COL26A1: variants seen among roughly 807,000 people sequenced by gnomAD.
COL26A1 encodes the protein collagen alpha-1(XXVI) chain.
A neutral mutation model predicts 59.3 loss-of-function variants in COL26A1; 41 were observed. That is an observed-to-expected ratio of 0.69 (90% confidence interval 0.54 to 0.90). The LOEUF is 0.90. Among genes scored for constraint, COL26A1 ranks in the 40% least tolerant of loss-of-function variants. COL26A1 has a pLI of 0.00. For missense variants in COL26A1, 612 were observed against 602.3 expected (o/e 1.02, Z -0.17); for synonymous variants, 266 against 256.0 (o/e 1.04, Z -0.37).
intron 1 of COL26A1, among the ~76,000 whole-genome samples, chr7:101,409,033 T>C (rs1792187904): frequency 6.6e-6 from 1 of 152,248 alleles, no homozygotes; most frequent in Non-Finnish European, 1.5e-5. Context: ...ATTTACTCCT[T>C]CCTGTGCCTC....
chr7:101,494,941 G>T (rs1794549283), intron 3 of COL26A1, among the ~76,000 whole-genome samples: 1 of 152,168 alleles, frequency 6.6e-6, no homozygotes, highest in Non-Finnish European at 1.5e-5. Context: ...TGGGGAGAGG[G>T]GCTGCCTTCA....
At chr7:101,450,992 T>G (rs1050271035) in intron 3 of COL26A1, among the ~76,000 whole-genome samples, 6 of 145,294 alleles carry the variant, frequency 4.1e-5, no homozygotes, top group African/African-American at 1.2e-4. Flanking sequence ...ATTCATATAT[T>G]GAATAATATA....
At chr7:101,466,324 G>A (rs1422773729) in intron 3 of COL26A1, among the ~76,000 whole-genome samples, 3 of 152,048 alleles carry the variant, frequency 2.0e-5, no homozygotes, top group Admixed American at 2.0e-4. Flanking sequence ...GGCACAATTG[G>A]TGGTACAGAG....
rs1289979050 is a variant in COL26A1 at position 101,558,596 on chromosome 7, TC to T, written c.*1069del. 6.6e-6 allele frequency: 1 copy of T among 152,186 alleles called. No homozygotes were observed. The highest frequency in any genetic ancestry group is 1.5e-5 in the Non-Finnish European group (1 of 68,070). The allele number at this position is 152,186 out of a possible 1,614,324, so 9.4% of individuals were successfully genotyped here. A position where few individuals can be genotyped will look rare whatever the true frequency, so the allele number is the denominator to read the frequency against. On this transcript the variant is annotated 3_prime_UTR_variant, in exon 13 of 13. Coordinates refer to ENST00000313669, the MANE Select transcript of COL26A1 (RefSeq NM_001278563.3). The stretch of plus-strand genomic sequence containing the variant: ...CCTGCTGGGAAGAGATGCTCCTGCC[TC>T]CCACCTTCCAGAGTTGGGGGCCTGG...
At chr7:101,381,476 A>G (rs996942689) in intron 1 of COL26A1, among the ~76,000 whole-genome samples, 1 of 152,166 alleles carries the variant, frequency 6.6e-6, no homozygotes, top group Non-Finnish European at 1.5e-5. Context: ...AAAAGCACAG[A>G]CTGGATAATT....
intron 1 of COL26A1, among the ~76,000 whole-genome samples, chr7:101,384,333 T>A (rs926946475): frequency 1.3e-5 from 2 of 149,796 alleles, no homozygotes; most frequent in African/African-American, 4.9e-5. Context: ...GCCTCCGGGG[T>A]TCAAACCATT....
intron 3 of COL26A1, among the ~76,000 whole-genome samples, chr7:101,530,951 G>GTT (rs112946304): frequency 1.3e-5 from 2 of 150,478 alleles, no homozygotes; most frequent in South Asian, 2.1e-4. Context: ...TTTATTTCTT[G>GTT]TTTTTTTTTG....
At chr7:101,452,565 G>GATGT (rs1793368899) in intron 3 of COL26A1, among the ~76,000 whole-genome samples, 1 of 152,090 alleles carries the variant, frequency 6.6e-6, no homozygotes, top group Admixed American at 6.6e-5. Flanking sequence ...AACACCAAAG[G>GATGT]ATGTACTTAC....
At chr7:101,555,189 A>G (rs977850677) in intron 11 of COL26A1, among the ~76,000 whole-genome samples, 1 of 152,100 alleles carries the variant, frequency 6.6e-6, no homozygotes, top group Non-Finnish European at 1.5e-5. Flanking sequence ...TCTGTGCACA[A>G]GGTCCTCTGC....
chr7:101,443,486 G>A (rs1793110579), intron 2 of COL26A1, among the ~76,000 whole-genome samples: 2 of 152,130 alleles, frequency 1.3e-5, no homozygotes, highest in Admixed American at 1.3e-4. Context: ...CAAACGTCGC[G>A]CCTGCTGCTA....
intron 4 of COL26A1, among the ~76,000 whole-genome samples, chr7:101,534,567 T>C (rs111617583): frequency 6.6e-6 from 1 of 151,736 alleles, no homozygotes; most frequent in Admixed American, 6.6e-5. Context: ...GGGACACACA[T>C]ATGTAATACC....
At chr7:101,380,292 A>AATTT (rs1791416612) in intron 1 of COL26A1, among the ~76,000 whole-genome samples, 1 of 115,904 alleles carries the variant, frequency 8.6e-6, no homozygotes, top group Non-Finnish European at 1.8e-5. Flanking sequence ...ACCCAGCTAC[A>AATTT]TTTTTTTTTT....
At chr7:101,511,668 C>G (rs1167718131) in intron 3 of COL26A1, among the ~76,000 whole-genome samples, 1 of 152,202 alleles carries the variant, frequency 6.6e-6, no homozygotes, top group East Asian at 1.9e-4. Flanking sequence ...TACTTGCAAC[C>G]TTACAAAAAG....
At chr7:101,504,138 T>C (rs1794758984) in intron 3 of COL26A1, among the ~76,000 whole-genome samples, 1 of 152,076 alleles carries the variant, frequency 6.6e-6, no homozygotes, top group South Asian at 2.1e-4. Flanking sequence ...TCTTACTCCA[T>C]CACCCAGGCT....
At chr7:101,470,026 G>A (rs1045050569) in intron 3 of COL26A1, among the ~76,000 whole-genome samples, 7 of 151,958 alleles carry the variant, frequency 4.6e-5, no homozygotes, top group African/African-American at 1.7e-4. Flanking sequence ...CAGTGCAGAA[G>A]TTGAATCAGC....
At chr7:101,420,660 CACCAGCTCTGCCCCT>C (rs1348888206) in intron 2 of COL26A1, among the ~76,000 whole-genome samples, 2 of 148,128 alleles carry the variant, frequency 1.4e-5, no homozygotes, top group Non-Finnish European at 1.5e-5. Flanking sequence ...CCTTGCCCCT[CACCAGCTCTGCCCCT>C]ACCAGCCACG....
At chr7:101,429,147 C>T (rs754575580) in intron 2 of COL26A1, among the ~76,000 whole-genome samples, 8 of 152,068 alleles carry the variant, frequency 5.3e-5, no homozygotes, top group Non-Finnish European at 7.4e-5. Context: ...TGGTCTCAAA[C>T]TCCTGATCTT....
At chr7:101,447,860 C>T (rs114855782) in intron 3 of COL26A1, 73 bp downstream of exon 3, 2 of 890,194 alleles carry the variant, frequency 2.2e-6, no homozygotes. Context: ...TCTCTGGCCT[C>T]CTCCTGCAAG....
chr7:101,368,243 G>T (rs1370539246), intron 1 of COL26A1, among the ~76,000 whole-genome samples: 5 of 152,184 alleles, frequency 3.3e-5, no homozygotes, highest in Non-Finnish European at 5.9e-5. Flanking sequence ...ACGTCTGGTT[G>T]TCTCTCTTTT....
Sources: gnomAD v4.1 joint callset for allele counts (sites outside exome capture counted in the v4.1 genomes callset) on GRCh38, gnomAD v4.1.1 for gene constraint, MANE v1.5 for transcripts, NCBI Gene and HGNC (gene_info 2026-07-23, HGNC 2026-07-21) for gene names.